The following VCF1 variants were observed in gnomAD, a reference collection of about 807,000 sequenced individuals.
VCF1 encodes the protein protein VCF1.
the VCF1 span, among the ~76,000 whole-genome samples, chr17:73,221,243 G>A: frequency 6.6e-6 from 1 of 151,406 alleles, no homozygotes; most frequent in Non-Finnish European, 1.5e-5. Flanking sequence ...AGAAGATACT[G>A]CTTTTATTTA....
At chr17:73,220,605 CAG>C in the VCF1 span, among the ~76,000 whole-genome samples, 2 of 151,170 alleles carry the variant, frequency 1.3e-5, no homozygotes, top group Non-Finnish European at 2.9e-5. Flanking sequence ...CCACCACGCC[CAG>C]CCAATTTTTG....
At chr17:73,223,429 T>G in the VCF1 span, among the ~76,000 whole-genome samples, 1 of 152,204 alleles carries the variant, frequency 6.6e-6, no homozygotes, top group African/African-American at 2.4e-5. Flanking sequence ...GCAAATCAGT[T>G]CACATTATTT....
chr17:73,215,535 A>G, the VCF1 span, among the ~76,000 whole-genome samples: 1 of 152,074 alleles, frequency 6.6e-6, no homozygotes, highest in Admixed American at 6.6e-5. Context: ...CAGCCCCACA[A>G]AGTGCTAGGA....
the VCF1 span, among the ~76,000 whole-genome samples, chr17:73,229,867 C>CAAAAAAA: frequency 1.8e-4 from 4 of 22,624 alleles, no homozygotes; most frequent in African/African-American, 2.9e-4. Flanking sequence ...GACTCCATCT[C>CAAAAAAA]AAAAAAAAAA....
the VCF1 span, among the ~76,000 whole-genome samples, chr17:73,211,440 G>A: frequency 6.6e-6 from 1 of 152,098 alleles, no homozygotes; most frequent in Non-Finnish European, 1.5e-5. Context: ...ATGGTGGCAG[G>A]CGGCTGTAAT....
At chr17:73,216,688 C>A in the VCF1 span, among the ~76,000 whole-genome samples, 1 of 152,184 alleles carries the variant, frequency 6.6e-6, no homozygotes, top group African/African-American at 2.4e-5. Context: ...ACACACTACT[C>A]TCTTTGGCAG....
chr17:73,232,169 T>C, the VCF1 span: 1 of 1,609,722 alleles, frequency 6.2e-7, no homozygotes, highest in South Asian at 1.1e-5. Flanking sequence ...CAGAGGGGGT[T>C]GTGTTTCGGC....
At chr17:73,214,369 A>C in the VCF1 span, among the ~76,000 whole-genome samples, 1 of 152,180 alleles carries the variant, frequency 6.6e-6, no homozygotes, top group African/African-American at 2.4e-5. Flanking sequence ...TGTTCTGTGA[A>C]GCTTTCTTTC....
At chr17:73,209,999 C>T in the VCF1 span, among the ~76,000 whole-genome samples, 1 of 152,220 alleles carries the variant, frequency 6.6e-6, no homozygotes, top group African/African-American at 2.4e-5. Flanking sequence ...ATACACAGCT[C>T]TAGGAGGATG....
the VCF1 span, chr17:73,209,637 G>A: frequency 1.8e-5 from 28 of 1,559,394 alleles, no homozygotes; most frequent in Admixed American, 3.9e-5. Flanking sequence ...GCTCGGGCAC[G>A]GGCTGAGGCG....
the VCF1 span, among the ~76,000 whole-genome samples, chr17:73,230,121 A>AC: frequency 6.6e-6 from 1 of 151,846 alleles, no homozygotes; most frequent in African/African-American, 2.4e-5. Context: ...ATATAGTGAA[A>AC]CCCCACCTCT....
the VCF1 span, among the ~76,000 whole-genome samples, chr17:73,215,978 C>T: frequency 2.0e-5 from 3 of 152,054 alleles, no homozygotes; most frequent in African/African-American, 7.3e-5. Context: ...GGGCCCTTGA[C>T]AGGAGTGAGT....
At chr17:73,227,066 AT>A in the VCF1 span, 1 of 931,158 alleles carries the variant, frequency 1.1e-6, no homozygotes, top group Non-Finnish European at 1.6e-6. Flanking sequence ...AACTAAGGTC[AT>A]TTTAAATTAC....
the VCF1 span, among the ~76,000 whole-genome samples, chr17:73,221,548 G>C: frequency 4.6e-5 from 7 of 152,226 alleles, 1 homozygote; most frequent in African/African-American, 1.4e-4. Flanking sequence ...AACTGAGCCT[G>C]AGATAGATGT....
chr17:73,210,000 T>C, the VCF1 span, among the ~76,000 whole-genome samples: 1 of 152,228 alleles, frequency 6.6e-6, no homozygotes, highest in Non-Finnish European at 1.5e-5. Context: ...TACACAGCTC[T>C]AGGAGGATGG....
the VCF1 span, among the ~76,000 whole-genome samples, chr17:73,228,175 C>T: frequency 7.9e-5 from 12 of 152,306 alleles, no homozygotes; most frequent in African/African-American, 2.4e-4. Context: ...AGGACATTTC[C>T]GTCACTGCAG....
the VCF1 span, chr17:73,207,456 C>A: frequency 1.4e-6 from 1 of 695,078 alleles, no homozygotes; most frequent in Non-Finnish European, 2.6e-6. Context: ...TGCCCGCTGA[C>A]ACTACCAAGT....
chr17:73,225,443 ATTTC>A, the VCF1 span, among the ~76,000 whole-genome samples: 2 of 151,318 alleles, frequency 1.3e-5, no homozygotes, highest in Admixed American at 6.6e-5. Context: ...AAGGATGACA[ATTTC>A]TTTCTTTTTT....
At chr17:73,222,197 C>CAA in the VCF1 span, among the ~76,000 whole-genome samples, 62,440 of 125,416 alleles carry the variant, frequency 0.5, 14,728 homozygotes, top group East Asian at 0.61. Context: ...GACCCTGTCT[C>CAA]AAAAAAAAAA....
Sources: gnomAD v4.1 joint callset for allele counts (sites outside exome capture counted in the v4.1 genomes callset) on GRCh38, gnomAD v4.1.1 for gene constraint, MANE v1.5 for transcripts, NCBI Gene and HGNC (gene_info 2026-07-23, HGNC 2026-07-21) for gene names.